LRP1B: variants seen among roughly 807,000 people sequenced by gnomAD.
LRP1B encodes low-density lipoprotein receptor-related protein 1B.
In LRP1B, 217 loss-of-function variants were observed where a neutral mutation model predicts 556.6. The observed-to-expected ratio is 0.39, with a 90% confidence interval of 0.35 to 0.44. The LOEUF (loss-of-function observed/expected upper bound fraction) is 0.44. Ranked by LOEUF, LRP1B falls within the 20% of genes least tolerant of loss-of-function variation. The pLI is 1.00. For synonymous variants in LRP1B, 2,047 were observed against 1,865.8 expected, an observed-to-expected ratio of 1.10 and a Z score of -2.50; for missense variants, 5,053 against 5,620.8, an observed-to-expected ratio of 0.90 and a Z score of 3.23.
At chr2:141,788,853 A>G (rs975738661) in intron 2 of LRP1B, among the ~76,000 whole-genome samples, 1 of 151,970 alleles carries the variant, frequency 6.6e-6, no homozygotes, top group African/African-American at 2.4e-5. Context: ...CCATGTCCCT[A>G]CAAAGGACAT....
chr2:142,041,172 A>T (rs1012538673), intron 1 of LRP1B, among the ~76,000 whole-genome samples: 5 of 151,148 alleles, frequency 3.3e-5, no homozygotes, highest in African/African-American at 1.2e-4. Flanking sequence ...GAATTCTCAT[A>T]CTTTTAATTA....
rs528974285 is a variant in LRP1B, at chr2:141,212,141, G to A, written c.850+17042C>T. 1.1e-4 allele frequency among the ~76,000 whole-genome samples: 17 copies of A among 150,076 alleles called. No individual in the cohort carries two copies. The East Asian group carries it at 1.6e-3, about 14-fold the overall frequency. On this transcript the variant is annotated intron_variant, in intron 6 of 90. Coordinates refer to ENST00000389484, the MANE Select transcript of LRP1B (RefSeq NM_018557.3). ...AATATCCTTATAGAAGATGTGCTTA[G>A]AATTCTTCACAGAGTTTCTTAGGGA...
chr2:141,286,066 CAAA>C (rs200182512), intron 3 of LRP1B, among the ~76,000 whole-genome samples: 24 of 94,624 alleles, frequency 2.5e-4, no homozygotes, highest in Middle Eastern at 8.8e-3. Context: ...GACTCCGTCT[CAAA>C]AAAAAAAAAA....
chr2:141,094,578 A>G (rs537059859), intron 7 of LRP1B, among the ~76,000 whole-genome samples: 5 of 152,264 alleles, frequency 3.3e-5, no homozygotes, highest in Non-Finnish European at 7.4e-5. Flanking sequence ...GTTCATAATA[A>G]CAAAATAAGT....
At chr2:140,306,481 TGTGGGATCG>T (rs1395656269) in intron 83 of LRP1B, among the ~76,000 whole-genome samples, 1 of 152,200 alleles carries the variant, frequency 6.6e-6, no homozygotes, top group Admixed American at 6.5e-5. Context: ...TTTGTATTTC[TGTGGGATCG>T]GTGGTGATAT....
intron 6 of LRP1B, among the ~76,000 whole-genome samples, chr2:141,210,346 A>G (rs1682488542): frequency 7.8e-6 from 1 of 128,952 alleles, no homozygotes; most frequent in Non-Finnish European, 1.6e-5. Context: ...GAGAAAAAAT[A>G]CATCAAAGAA....
At chr2:141,094,524 C>A (rs908239377) in intron 7 of LRP1B, among the ~76,000 whole-genome samples, 1 of 152,100 alleles carries the variant, frequency 6.6e-6, no homozygotes, top group African/African-American at 2.4e-5. Context: ...GCTACACGAG[C>A]AGGAGACCAG....
intron 1 of LRP1B, among the ~76,000 whole-genome samples, chr2:141,921,218 A>C (rs542749383): frequency 6.6e-6 from 1 of 152,154 alleles, no homozygotes; most frequent in South Asian, 2.1e-4. Context: ...TTTTAACGGC[A>C]TGCTTTATGT....
At chr2:141,220,102 G>C (rs749212731) in intron 6 of LRP1B, among the ~76,000 whole-genome samples, 2 of 152,180 alleles carry the variant, frequency 1.3e-5, no homozygotes, top group African/African-American at 2.4e-5. Context: ...ACAGAATTAG[G>C]CTTCAGAAGG....
intron 2 of LRP1B, among the ~76,000 whole-genome samples, chr2:141,765,588 C>T (rs1354748942): frequency 2.0e-5 from 3 of 152,144 alleles, no homozygotes; most frequent in African/African-American, 7.2e-5. Flanking sequence ...AATTTCATAA[C>T]ACATCCCTGA....
At chr2:141,552,594 A>G (rs895193116) in intron 2 of LRP1B, among the ~76,000 whole-genome samples, 1 of 152,056 alleles carries the variant, frequency 6.6e-6, no homozygotes, top group Non-Finnish European at 1.5e-5. Flanking sequence ...ACTGCTAGTG[A>G]TAGGAGGCTC....
At chr2:140,622,142 A>G (rs1264619646) in intron 41 of LRP1B, among the ~76,000 whole-genome samples, 1 of 152,232 alleles carries the variant, frequency 6.6e-6, no homozygotes, top group Non-Finnish European at 1.5e-5. Flanking sequence ...AGACTGGTTT[A>G]GCACCAAAAA....
chr2:141,756,518 T>C (rs895836409), intron 2 of LRP1B, among the ~76,000 whole-genome samples: 2 of 149,728 alleles, frequency 1.3e-5, no homozygotes, highest in African/African-American at 4.9e-5. Flanking sequence ...TTATTAACTC[T>C]TAAATCATGA....
intron 2 of LRP1B, among the ~76,000 whole-genome samples, chr2:141,555,260 T>C (rs768884899): frequency 2.6e-5 from 4 of 151,980 alleles, no homozygotes; most frequent in South Asian, 2.1e-4. Context: ...AGCAATCAGA[T>C]TGATCAGAGG....
At chr2:142,021,850 G>T (rs1392306698) in intron 1 of LRP1B, among the ~76,000 whole-genome samples, 1 of 152,018 alleles carries the variant, frequency 6.6e-6, no homozygotes, top group African/African-American at 2.4e-5. Context: ...TTTTTGCATA[G>T]GAATGAAGAA....
intron 35 of LRP1B, among the ~76,000 whole-genome samples, chr2:140,754,480 T>G (rs1043640460): frequency 7.9e-5 from 12 of 152,024 alleles, no homozygotes; most frequent in African/African-American, 2.9e-4. Flanking sequence ...AAGTGTGTTC[T>G]CTGACAACAA....
rs1228644651 is a variant in LRP1B at position 140,466,112 on chromosome 2, CTTTTCTT to C, written c.9626-8468_9626-8462del. On this transcript the variant is annotated intron_variant, in intron 60 of 90. Transcript: ENST00000389484. ...GTGGGAAGTATTATTTCAATTTCCT[CTTTTCTT>C]TTTTCTTTTTTTTTTTTTTTTGGTG... Among the ~76,000 whole-genome samples the C allele has an allele frequency of 6.3e-5, 9 of 142,446 alleles. 1 individual carries two copies. In the East Asian group the frequency reaches 1.0e-3, roughly 16 times the overall value. 93.5% of individuals were successfully genotyped at this position (142,446 alleles called of 152,430 possible).
At chr2:140,813,883 AG>A (rs1186834222) in intron 31 of LRP1B, 77 bp from the exon 32 acceptor site, 3 of 1,033,124 alleles carry the variant, frequency 2.9e-6, no homozygotes, top group South Asian at 3.1e-5. Flanking sequence ...ACTGGATTTG[AG>A]GGGAAAAAAA....
intron 3 of LRP1B, among the ~76,000 whole-genome samples, chr2:141,417,548 A>C (rs1679945564): frequency 6.6e-6 from 1 of 152,176 alleles, no homozygotes; most frequent in South Asian, 2.1e-4. Flanking sequence ...CATCTATGAC[A>C]GAATTTCTTT....
Sources: allele counts gnomAD v4.1 joint callset (sites outside exome capture counted in the v4.1 genomes callset), GRCh38; gene constraint gnomAD v4.1.1; transcripts MANE v1.5; gene names NCBI Gene and HGNC (gene_info 2026-07-23, HGNC 2026-07-21).